Variants in COL4A2 observed in about 807,000 individuals in gnomAD.
The protein encoded by COL4A2 is collagen type IV alpha 2 chain, also known as collagen alpha-2(IV) chain.
In COL4A2, 99 loss-of-function variants were observed where a neutral mutation model predicts 200.2. The observed-to-expected ratio is 0.49, with a 90% CI of 0.42 to 0.58. COL4A2 has a LOEUF of 0.58. Among genes scored for constraint, COL4A2 ranks in the 20% least tolerant of loss-of-function variants. The pLI is 0.00. For missense variants in COL4A2, 1,950 were observed against 2,314.1 expected (o/e 0.84, Z 3.23); for synonymous variants, 897 against 900.6 (o/e 1.00, Z 0.07).
chr13:110,430,281 T>G, intron 8 of COL4A2, 120 bp from the exon 9 acceptor site: 1 of 1,234,638 alleles, frequency 8.1e-7, no homozygotes, highest in Non-Finnish European at 1.1e-6. Context: ...AAATTAACAT[T>G]ACTAGGTCCT....
chr13:110,321,901 G>T (rs1002637598), intron 3 of COL4A2, among the ~76,000 whole-genome samples: 54 of 152,296 alleles, frequency 3.5e-4, no homozygotes, highest in African/African-American at 1.3e-3. Context: ...AATTCAGTTA[G>T]CTCCACCTGG....
At chr13:110,331,797 T>C (rs1275708505) in intron 3 of COL4A2, among the ~76,000 whole-genome samples, 1 of 152,176 alleles carries the variant, frequency 6.6e-6, no homozygotes, top group African/African-American at 2.4e-5. Context: ...GGCCATTTGG[T>C]TATTCTCTCT....
rs149795177 is a variant in COL4A2 at position 110,355,897 on chromosome 13, C to G, written c.100-1575C>G. Among the ~76,000 whole-genome samples the G allele has an allele frequency of 3.5e-4, 53 of 151,140 alleles. 2 individuals carry two copies. The highest frequency in any genetic ancestry group is 1.2e-3 in the African/African-American group (48 of 40,762). On this transcript the variant is annotated intron_variant, in intron 3 of 47. Coordinates refer to ENST00000360467, the MANE Select transcript of COL4A2 (RefSeq NM_001846.4). Reference sequence around the variant, plus strand: ...GGGGGCTGAGGGCTGCACTAGGTCACCTGTATAGGGCGGAGGGCAGCACTG... The same window carrying G: ...GGGGGCTGAGGGCTGCACTAGGTCAGCTGTATAGGGCGGAGGGCAGCACTG...
At chr13:110,470,832 T>A (rs1436533234) in intron 28 of COL4A2, among the ~76,000 whole-genome samples, 1 of 152,230 alleles carries the variant, frequency 6.6e-6, no homozygotes, top group Non-Finnish European at 1.5e-5. Context: ...AGATGGTATC[T>A]TTCGGAATTT....
chr13:110,374,717 T>C (rs958191104), intron 4 of COL4A2, among the ~76,000 whole-genome samples: 3 of 152,134 alleles, frequency 2.0e-5, no homozygotes, highest in Admixed American at 6.6e-5. Flanking sequence ...TCTCCATCCA[T>C]CCTAGTTACC....
chr13:110,440,495 C>T (rs1444595290), intron 16 of COL4A2, among the ~76,000 whole-genome samples: 1 of 152,086 alleles, frequency 6.6e-6, no homozygotes, highest in Admixed American at 6.5e-5. Flanking sequence ...ACTCAGGAGG[C>T]TGAGGCAGGA....
At chr13:110,309,140 T>C (rs1297467316) in intron 3 of COL4A2, among the ~76,000 whole-genome samples, 1 of 152,230 alleles carries the variant, frequency 6.6e-6, no homozygotes, top group South Asian at 2.1e-4. Context: ...TTTACATCGT[T>C]CTGCCCTGAT....
intron 3 of COL4A2, among the ~76,000 whole-genome samples, chr13:110,318,371 A>T (rs1324362989): frequency 3.3e-5 from 5 of 152,170 alleles, no homozygotes; most frequent in Admixed American, 3.3e-4. Context: ...TAAATATGTC[A>T]TCTAGGATTA....
chr13:110,493,978 C>T (rs971367543), intron 39 of COL4A2, among the ~76,000 whole-genome samples: 1 of 152,166 alleles, frequency 6.6e-6, no homozygotes, highest in African/African-American at 2.4e-5. Flanking sequence ...CTCCAAATGC[C>T]ATCACACTGG....
At chr13:110,463,032 C>G (rs1353738431) in intron 24 of COL4A2, 1 of 154,608 alleles carries the variant, frequency 6.5e-6, no homozygotes, top group Admixed American at 6.5e-5. Context: ...CCTCCTTAAG[C>G]TCTTTGTACT....
chr13:110,445,973 T>C, intron 17 of COL4A2, 91 bp downstream of exon 17: 1 of 1,405,202 alleles, frequency 7.1e-7, no homozygotes. Flanking sequence ...TGTGGAGGCA[T>C]CCCCTGCCCT....
intron 3 of COL4A2, among the ~76,000 whole-genome samples, chr13:110,355,409 C>T (rs1413868835): frequency 1.9e-5 from 2 of 106,138 alleles, no homozygotes; most frequent in Non-Finnish European, 3.7e-5. Flanking sequence ...ACTAGCTCAC[C>T]TGTGTGTGTG....
chr13:110,457,988 G>A (rs922446674), intron 21 of COL4A2: 22 of 400,584 alleles, frequency 5.5e-5, no homozygotes, highest in Admixed American at 1.5e-4. Flanking sequence ...CCCCTAGCTC[G>A]AGGCCGTCCT....
intron 20 of COL4A2, among the ~76,000 whole-genome samples, chr13:110,455,463 T>C (rs1302408554): frequency 6.6e-6 from 1 of 152,180 alleles, no homozygotes; most frequent in Non-Finnish European, 1.5e-5. Flanking sequence ...ACTGGGCCTC[T>C]CCCTGCTGCT....
intron 3 of COL4A2, among the ~76,000 whole-genome samples, chr13:110,342,110 A>G (rs1175480343): frequency 1.3e-5 from 2 of 152,226 alleles, no homozygotes; most frequent in Non-Finnish European, 2.9e-5. Context: ...GATTCGGCAT[A>G]GATGAGCCAT....
intron 3 of COL4A2, among the ~76,000 whole-genome samples, chr13:110,311,459 C>T (rs7982335): frequency 0.22 from 33,372 of 152,132 alleles, 4,218 homozygotes; most frequent in African/African-American, 0.34. Flanking sequence ...AGCTGAGGGG[C>T]TGCCGCCTGG....
intron 3 of COL4A2, among the ~76,000 whole-genome samples, chr13:110,355,965 G>A (rs534756520): frequency 6.6e-6 from 1 of 152,258 alleles, no homozygotes; most frequent in South Asian, 2.1e-4. Context: ...ACCTGTCAGG[G>A]GAGAGGAGGC....
Position 110,485,709 on chromosome 13 carries a change from G to A in COL4A2, c.3080G>A (p.Gly1027Glu). 1.2e-6 allele frequency: 2 copies of A among 1,613,352 alleles called. No individual in the cohort carries two copies. The highest frequency in any genetic ancestry group is 1.7e-6 in the Non-Finnish European group (2 of 1,179,662). The change falls in exon 34 of 48, where the codon GGG (glycine) becomes GAG (glutamate). Residue 1027 changes from glycine (G) to glutamate (E), a missense_variant. Gly to Glu is a moderately conservative substitution (Grantham distance 98). This residue lies in a region of COL4A2 where 1,385 missense variants were observed against 1,720.5 expected (regional missense o/e 0.80). Coordinates refer to ENST00000360467, the MANE Select transcript of COL4A2 (RefSeq NM_001846.4). The stretch of plus-strand genomic sequence containing the variant: ...CTGTCAGGAATCCCTGGGCTGCCTG[G>A]GAGGCCCGGCCACATCAAAGGAGTC... The part of the protein sequence containing the change: ...PGLSGIPGLP[G>E]RPGHIKGVKG...
At chr13:110,422,665 G>A (rs1165587638) in intron 4 of COL4A2, among the ~76,000 whole-genome samples, 1 of 152,160 alleles carries the variant, frequency 6.6e-6, no homozygotes, top group African/African-American at 2.4e-5. Flanking sequence ...TTGGTTTGAG[G>A]GGACAGGGGT....
Sources: allele counts gnomAD v4.1 joint callset (sites outside exome capture counted in the v4.1 genomes callset), GRCh38; gene constraint gnomAD v4.1.1; regional missense constraint gnomAD v4.1.1; transcripts MANE v1.5; gene names NCBI Gene and HGNC (gene_info 2026-07-23, HGNC 2026-07-21).